PDE1A: variants seen among roughly 807,000 people sequenced by gnomAD.
PDE1A encodes phosphodiesterase 1A.
In PDE1A, 35 loss-of-function variants were observed where a neutral mutation model predicts 61.7. That is an observed-to-expected ratio of 0.57 (90% CI 0.43 to 0.75). PDE1A has a LOEUF of 0.75. PDE1A is among the 30% of genes least tolerant of loss of function. The pLI, the probability that PDE1A is intolerant of heterozygous loss-of-function variation, is 0.00. For missense variants in PDE1A, 597 were observed against 630.6 expected (o/e 0.95, Z 0.57); for synonymous variants, 232 against 213.2 (o/e 1.09, Z -0.77).
chr2:182,632,702 A>T, the PDE1A span, among the ~76,000 whole-genome samples: 1 of 152,186 alleles, frequency 6.6e-6, no homozygotes, highest in Admixed American at 6.5e-5. Context: ...AATAGACTAC[A>T]CCATAGAATT....
intron 1 of PDE1A, among the ~76,000 whole-genome samples, chr2:182,425,336 G>A (rs1432752870): frequency 6.6e-6 from 1 of 152,098 alleles, no homozygotes; most frequent in Non-Finnish European, 1.5e-5. Flanking sequence ...ACATACAATT[G>A]GAAGAACTTT....
At chr2:182,704,593 T>C in the PDE1A span, among the ~76,000 whole-genome samples, 8 of 152,244 alleles carry the variant, frequency 5.3e-5, no homozygotes, top group Non-Finnish European at 1.0e-4. Flanking sequence ...AAATTTAAAA[T>C]GTTTATTACT....
exon 15 of PDE1A, chr2:182,141,226 A>G (rs2125250062): frequency 6.6e-6 from 1 of 152,294 alleles, no homozygotes; most frequent in South Asian, 2.1e-4. Flanking sequence ...GAACAATAGT[A>G]ATTAGACTCC....
intron 2 of PDE1A, among the ~76,000 whole-genome samples, chr2:182,484,807 G>A (rs13398665): frequency 0.1 from 15,744 of 151,488 alleles, 966 homozygotes; most frequent in African/African-American, 0.16. Flanking sequence ...AATAAAAACC[G>A]CAATGAGACA....
chr2:182,606,960 G>A, the PDE1A span, among the ~76,000 whole-genome samples: 6 of 152,310 alleles, frequency 3.9e-5, no homozygotes, highest in South Asian at 6.2e-4. Context: ...AGGTGCTGCC[G>A]CTGAGGAGAT....
chr2:182,599,940 C>T, the PDE1A span, among the ~76,000 whole-genome samples: 1 of 152,166 alleles, frequency 6.6e-6, no homozygotes, highest in Non-Finnish European at 1.5e-5. Context: ...ATCCCATATT[C>T]CACCTCCAGA....
chr2:182,461,350 C>T (rs1426030346), intron 2 of PDE1A, among the ~76,000 whole-genome samples: 1 of 151,774 alleles, frequency 6.6e-6, no homozygotes, highest in Non-Finnish European at 1.5e-5. Context: ...TTTTAAAAAC[C>T]TTGGGCCAGG....
intron 1 of PDE1A, among the ~76,000 whole-genome samples, chr2:182,346,243 C>T (rs1388905897): frequency 1.3e-5 from 2 of 152,070 alleles, no homozygotes; most frequent in Non-Finnish European, 2.9e-5. Context: ...TAACAAAAAA[C>T]TCAGCAATTG....
chr2:182,475,582 G>T lies in PDE1A; in HGVS notation c.101+46694C>A, dbSNP rs184999236. ...ACCAATATATTCTGGGAGAGCTAGG[G>T]TTATAGTTTTTGTGACTGAAATTAT... On this transcript the variant is annotated intron_variant, in intron 2 of 14. Coordinates refer to the PDE1A transcript ENST00000410103. Among the ~76,000 whole-genome samples the T allele has an allele frequency of 9.5e-4, 144 of 151,952 alleles. 2 individuals carry two copies. The highest frequency in any genetic ancestry group is 3.3e-3 in the African/African-American group (139 of 41,498).
At chr2:182,525,105 CATA>C (rs1690757521), upstream of PDE1A, among the ~76,000 whole-genome samples, 1 of 152,002 alleles carries the variant, frequency 6.6e-6, no homozygotes, top group African/African-American at 2.4e-5. Context: ...ATAAAATGAG[CATA>C]ATAATAACAT....
intron 1 of PDE1A, among the ~76,000 whole-genome samples, chr2:182,364,804 G>C (rs1699745264): frequency 1.3e-5 from 2 of 151,966 alleles, no homozygotes; most frequent in Admixed American, 1.3e-4. Flanking sequence ...GGTGTTGGTA[G>C]ACATTGTATT....
chr2:182,507,922 G>C (rs1689515956), intron 2 of PDE1A, among the ~76,000 whole-genome samples: 2 of 151,978 alleles, frequency 1.3e-5, no homozygotes, highest in African/African-American at 4.8e-5. Flanking sequence ...ATACTGTGTA[G>C]TTTAAGTTCT....
At chr2:182,179,628 T>C (rs2125365084) in intron 13 of PDE1A, among the ~76,000 whole-genome samples, 1 of 152,064 alleles carries the variant, frequency 6.6e-6, no homozygotes, top group South Asian at 2.1e-4. Flanking sequence ...GATGGTAGGT[T>C]TTCTACCTCT....
intron 1 of PDE1A, 55 bp from the exon 2 acceptor site, chr2:182,264,469 A>G: frequency 7.9e-7 from 1 of 1,266,154 alleles, no homozygotes; most frequent in Non-Finnish European, 1.2e-6. Flanking sequence ...TTGTAACTAT[A>G]TGGAAAATAG....
the PDE1A span, among the ~76,000 whole-genome samples, chr2:182,591,496 A>T: frequency 6.6e-6 from 1 of 152,172 alleles, no homozygotes; most frequent in Admixed American, 6.5e-5. Context: ...ACCAAATAGC[A>T]TTCTAGACCT....
chr2:182,523,696 T>C (rs917526107), upstream of PDE1A, among the ~76,000 whole-genome samples: 5 of 152,338 alleles, frequency 3.3e-5, no homozygotes, highest in Admixed American at 2.0e-4. Flanking sequence ...ACCTATTACA[T>C]ATTACCTTTT....
At chr2:182,231,634 G>A (rs149850055) in intron 4 of PDE1A, among the ~76,000 whole-genome samples, 23 of 152,094 alleles carry the variant, frequency 1.5e-4, no homozygotes, top group Non-Finnish European at 2.6e-4. Context: ...TGTAAATATC[G>A]GCCTGGTGTG....
chr2:182,633,842 G>C, the PDE1A span, among the ~76,000 whole-genome samples: 3 of 152,218 alleles, frequency 2.0e-5, no homozygotes, highest in Non-Finnish European at 2.9e-5. Context: ...CCAGCACTTT[G>C]GGAGGCCAAG....
chr2:182,347,500 A>G (rs1050599157), intron 1 of PDE1A, among the ~76,000 whole-genome samples: 7 of 152,042 alleles, frequency 4.6e-5, no homozygotes, highest in African/African-American at 9.7e-5. Context: ...CTCCCTCGTA[A>G]TCTCCTTTAA....
Sources: allele counts gnomAD v4.1 joint callset (sites outside exome capture counted in the v4.1 genomes callset), GRCh38; gene constraint gnomAD v4.1.1; transcripts MANE v1.5; gene names NCBI Gene and HGNC (gene_info 2026-07-23, HGNC 2026-07-21).